ATP10D: variants seen among roughly 807,000 people sequenced by gnomAD.
ATP10D encodes the protein ATPase phospholipid transporting 10D (putative), also known as phospholipid-transporting ATPase VD.
A neutral mutation model predicts 144.8 loss-of-function variants in ATP10D; 89 were observed. The ratio of observed to expected loss-of-function variants is 0.61; its 90% CI spans 0.52 to 0.73. ATP10D has a LOEUF of 0.73. ATP10D is among the 30% of genes least tolerant of loss of function. The pLI is 0.00. For synonymous variants in ATP10D, 571 were observed against 615.1 expected (o/e 0.93, Z 1.06); for missense variants, 1,603 against 1,714.8 (o/e 0.93, Z 1.15).
chr4:47,528,710 T>C (rs1368762288), intron 5 of ATP10D, among the ~76,000 whole-genome samples: 1 of 152,134 alleles, frequency 6.6e-6, no homozygotes, highest in Non-Finnish European at 1.5e-5. Flanking sequence ...GTTCTATTTT[T>C]AGTTCGTTGA....
rs899370999 is a variant in ATP10D at position 47,535,560 on chromosome 4, T to C, written c.828T>C (p.Leu276=). The change falls in exon 6 of 23, where the codon CTT becomes CTC. Residue 276 remains leucine, a synonymous_variant. Coordinates refer to ENST00000273859, the MANE Select transcript of ATP10D (RefSeq NM_020453.4). ...GTCTCAGTAAAGAAAATTTGTTGCTTAGAGGATGCACCATTAGAAACACAG... is the reference window on the plus strand; with the variant it reads ...GTCTCAGTAAAGAAAATTTGTTGCTCAGAGGATGCACCATTAGAAACACAG... ...RVGLSKENLL[L]RGCTIRNTEA... is the part of the protein sequence containing the mutation. 4.3e-6 allele frequency: 7 copies of C among 1,613,132 alleles called. No individual in the cohort carries two copies. The highest frequency in any genetic ancestry group is 5.9e-6 in the Non-Finnish European group (7 of 1,179,494).
At chr4:47,550,913 A>G (rs1053736989) in intron 10 of ATP10D, among the ~76,000 whole-genome samples, 1 of 152,248 alleles carries the variant, frequency 6.6e-6, no homozygotes, top group Non-Finnish European at 1.5e-5. Context: ...AACACGGACC[A>G]GAAGAGTGCA....
At chr4:47,587,438 T>G (rs1295646281) in intron 22 of ATP10D, among the ~76,000 whole-genome samples, 1 of 152,124 alleles carries the variant, frequency 6.6e-6, no homozygotes, top group East Asian at 1.9e-4. Flanking sequence ...TGGTTGACAG[T>G]TTACAGGGAT....
At chr4:47,554,381 G>C (rs1019642894) in intron 10 of ATP10D, among the ~76,000 whole-genome samples, 2 of 152,100 alleles carry the variant, frequency 1.3e-5, no homozygotes, top group Admixed American at 6.5e-5. Flanking sequence ...ATCTATGACC[G>C]AGGTAGAATT....
rs1295380963 is a variant in ATP10D at position 47,509,600 on chromosome 4, T to A, written c.-37-2904T>A. On this transcript the variant is annotated intron_variant, in intron 1 of 22. Transcript: ENST00000273859. ...CAATTTTCAAGTGTACAACATATTGTTACTGTATTAACCATAGTCATCGTA... is the reference window on the plus strand; with the variant it reads ...CAATTTTCAAGTGTACAACATATTGATACTGTATTAACCATAGTCATCGTA... Among the ~76,000 whole-genome samples, 6 of 152,360 alleles carry A rather than the reference T, an allele frequency of 3.9e-5. No individual in the cohort carries two copies. In the East Asian group the frequency reaches 1.2e-3, roughly 29 times the overall value.
At chr4:47,507,873 A>G (rs75648280) in intron 1 of ATP10D, among the ~76,000 whole-genome samples, 2,760 of 152,278 alleles carry the variant, frequency 0.018, 73 homozygotes, top group African/African-American at 0.063. Context: ...AAACAGTCTC[A>G]AGGATGAATA....
intron 10 of ATP10D, among the ~76,000 whole-genome samples, chr4:47,550,211 G>A (rs566961145): frequency 6.6e-5 from 10 of 152,212 alleles, no homozygotes; most frequent in Non-Finnish European, 8.8e-5. Context: ...CTACTAAACC[G>A]TGGGTTTTTA....
At chr4:47,575,971 G>T (rs890103831) in intron 18 of ATP10D, among the ~76,000 whole-genome samples, 2 of 113,646 alleles carry the variant, frequency 1.8e-5, no homozygotes, top group African/African-American at 7.0e-5. Context: ...TCGCTCTGTC[G>T]CCCAGGCTGG....
chr4:47,549,097 C>G (rs1334669365), intron 10 of ATP10D, among the ~76,000 whole-genome samples: 2 of 152,140 alleles, frequency 1.3e-5, no homozygotes, highest in Non-Finnish European at 2.9e-5. Context: ...TCACTGAGGC[C>G]CATGAGTCCT....
chr4:47,570,473 A>G (rs1312888367), intron 16 of ATP10D, among the ~76,000 whole-genome samples: 1 of 152,220 alleles, frequency 6.6e-6, no homozygotes, highest in Non-Finnish European at 1.5e-5. Context: ...TAGGAATAAG[A>G]AATTGGCTAG....
At chr4:47,504,234 G>A (rs1715884847) in intron 1 of ATP10D, among the ~76,000 whole-genome samples, 1 of 152,182 alleles carries the variant, frequency 6.6e-6, no homozygotes, top group African/African-American at 2.4e-5. Context: ...TCCATAGACG[G>A]TTCATACTTA....
chr4:47,563,601 C>T lies in ATP10D; in HGVS notation c.2689C>T (p.Arg897Cys), dbSNP rs1190803902. Residue 897 changes from arginine (R) to cysteine (C), a missense_variant, in exon 15 of 23, where the codon CGT becomes TGT. Physicochemically the swap from Arg to Cys is radical, Grantham distance 180 (BLOSUM62 -3). Transcript: ENST00000273859. The part of the protein sequence containing the change: ...TLLGATGIED[R>C]LQEGVPESIE... ...TTTAGGTGCTACTGGCATTGAAGAC[C>T]GTCTGCAGGAGGGAGTCCCTGAATC... 7 of 1,606,698 alleles carry T rather than the reference C, an allele frequency of 4.4e-6. No homozygotes were observed. The South Asian group carries it at 4.5e-5, about 10-fold the overall frequency.
intron 1 of ATP10D, among the ~76,000 whole-genome samples, chr4:47,500,844 A>T (rs116488153): frequency 6.6e-6 from 1 of 152,318 alleles, no homozygotes; most frequent in South Asian, 2.1e-4. Flanking sequence ...GAGATATTGG[A>T]TGTAAAGAGG....
chr4:47,551,496 A>T lies in ATP10D; in HGVS notation c.1636-3230A>T, dbSNP rs576207076. ...ATATGTGTTTATTTTCCAAAGAGTG[A>T]CATCTTTTTCCTCTGGTTGTTTCTC... On this transcript the variant is annotated intron_variant, in intron 10 of 22. Transcript: ENST00000273859. Among the ~76,000 whole-genome samples, 6 of 152,358 alleles carry T rather than the reference A, an allele frequency of 3.9e-5. No individual in the cohort carries two copies. In the South Asian group the frequency reaches 1.2e-3, roughly 32 times the overall value.
intron 18 of ATP10D, among the ~76,000 whole-genome samples, chr4:47,575,462 G>A (rs1351429477): frequency 1.3e-5 from 2 of 152,098 alleles, no homozygotes; most frequent in South Asian, 4.2e-4. Flanking sequence ...GCATCCCAAG[G>A]CCTGGGAAAC....
At chr4:47,589,197 G>A (rs1577715740) in intron 22 of ATP10D, among the ~76,000 whole-genome samples, 1 of 152,222 alleles carries the variant, frequency 6.6e-6, no homozygotes, top group East Asian at 1.9e-4. Context: ...AGAGGGTCCA[G>A]AGGGAGCATG....
chr4:47,555,238 G>C (rs75804857), intron 11 of ATP10D, among the ~76,000 whole-genome samples: 19,977 of 152,152 alleles, frequency 0.13, 1,656 homozygotes, highest in Non-Finnish European at 0.19. Context: ...TCATAGGAAC[G>C]CGAACCCTAT....
chr4:47,573,117 G>A, intron 18 of ATP10D, 120 bp downstream of exon 18: 2 of 1,231,694 alleles, frequency 1.6e-6, no homozygotes, highest in East Asian at 2.4e-5. Context: ...ATTGGGAACA[G>A]CCAGGACTGG....
At chr4:47,579,537 C>T (rs887884865) in intron 19 of ATP10D, among the ~76,000 whole-genome samples, 10 of 152,086 alleles carry the variant, frequency 6.6e-5, no homozygotes, top group African/African-American at 2.4e-4. Flanking sequence ...AGCTAGGATA[C>T]AAGTAATGAG....
Sources: allele counts gnomAD v4.1 joint callset (sites outside exome capture counted in the v4.1 genomes callset), GRCh38; gene constraint gnomAD v4.1.1; transcripts MANE v1.5; gene names NCBI Gene and HGNC (gene_info 2026-07-23, HGNC 2026-07-21).